PLEKHA3: variants seen among roughly 807,000 people sequenced by gnomAD.
PLEKHA3 encodes pleckstrin homology domain-containing family A member 3.
In PLEKHA3, 19 loss-of-function variants were observed where a neutral mutation model predicts 39.2. The ratio of observed to expected loss-of-function variants is 0.48; its 90% CI spans 0.34 to 0.71. The LOEUF (loss-of-function observed/expected upper bound fraction) is 0.71, where lower values mean the gene tolerates loss of function less well. Ranked by LOEUF, PLEKHA3 falls within the 30% of genes least tolerant of loss-of-function variation. The pLI is 0.01. For missense variants in PLEKHA3, 253 were observed against 359.5 expected (o/e 0.70, Z 2.40); for synonymous variants, 97 against 118.6 (o/e 0.82, Z 1.18).
At chr2:178,494,864 C>T (rs1575144950) in intron 4 of PLEKHA3, among the ~76,000 whole-genome samples, 2 of 150,070 alleles carry the variant, frequency 1.3e-5, no homozygotes, top group East Asian at 3.9e-4. Flanking sequence ...GGTTTTGAAT[C>T]GGGAAACAAA....
chr2:178,483,762 G>A (rs1226309294), intron 1 of PLEKHA3, among the ~76,000 whole-genome samples: 1 of 152,084 alleles, frequency 6.6e-6, no homozygotes, highest in Non-Finnish European at 1.5e-5. Flanking sequence ...AAGATATATT[G>A]TATGTCTATA....
chr2:178,506,905 C>CA lies in PLEKHA3; in HGVS notation c.*3020dup, dbSNP rs1452415745. ...TCTTGTTCATGTCTTTCTGTCTCCC[C>CA]AATCCACTCTTTGAATTCATGTTGA... On this transcript the variant is annotated 3_prime_UTR_variant, in exon 8 of 8. Transcript: ENST00000234453. 3 of 151,900 alleles carry CA rather than the reference C, an allele frequency of 2.0e-5. No individual in the cohort carries two copies. 9.4% of individuals were successfully genotyped at this position (151,900 alleles called of 1,614,324 possible).
intron 4 of PLEKHA3, 61 bp downstream of exon 4, chr2:178,494,050 C>T: frequency 6.5e-7 from 1 of 1,534,040 alleles, no homozygotes; most frequent in Non-Finnish European, 8.8e-7. Flanking sequence ...GGGGGATCCT[C>T]AGTCATTCCA....
intron 6 of PLEKHA3, among the ~76,000 whole-genome samples, chr2:178,499,673 A>C (rs1307235431): frequency 1.3e-5 from 2 of 152,146 alleles, no homozygotes; most frequent in Admixed American, 1.3e-4. Context: ...GTCACCCACA[A>C]CATTCAGTAC....
In PLEKHA3 at chr2:178,495,652, G is replaced by A. The variant is rs776433594; in HGVS notation, c.607G>A (p.Val203Ile). 3 of 1,603,086 alleles carry A rather than the reference G, an allele frequency of 1.9e-6. No individual in the cohort carries two copies. The highest frequency in any genetic ancestry group is 8.5e-7 in the Non-Finnish European group (1 of 1,174,070). ...AGTTTCTCCTGTGTCACCTTCTCCT[G>A]TTCAAATGGTTTGAACTTCTTGTTT... ...PLVSPVSPSP[V>I]QMMKRSVSHP... is the part of the protein sequence containing the mutation. The change falls in exon 5 of 8, where the codon GTT (valine) becomes ATT (isoleucine). Residue 203 changes from valine to isoleucine, a missense_variant. Val to Ile is a conservative substitution (Grantham distance 29). Around this residue, in one of 2 missense-constraint regions of PLEKHA3, gnomAD observed 127 missense variants for 136.8 expected, o/e 0.93. Coordinates refer to ENST00000234453, the MANE Select transcript of PLEKHA3 (RefSeq NM_019091.4).
At chr2:178,498,550 G>C (rs891191712) in intron 5 of PLEKHA3, among the ~76,000 whole-genome samples, 2 of 152,062 alleles carry the variant, frequency 1.3e-5, no homozygotes, top group African/African-American at 4.8e-5. Flanking sequence ...TTTATATTTT[G>C]ATGGAGTAGT....
At chr2:178,499,148 C>A in intron 5 of PLEKHA3, 63 bp from the exon 6 acceptor site, 1 of 1,439,974 alleles carries the variant, frequency 6.9e-7, no homozygotes, top group South Asian at 1.3e-5. Flanking sequence ...TAAATTAGAG[C>A]TGCATGATTC....
intron 2 of PLEKHA3, among the ~76,000 whole-genome samples, chr2:178,490,113 G>A (rs1292893659): frequency 6.6e-6 from 1 of 152,188 alleles, no homozygotes; most frequent in Non-Finnish European, 1.5e-5. Context: ...GTGTGTGCAG[G>A]AGAAGAGGTA....
rs1281165881 is a variant in PLEKHA3, at chr2:178,505,768, G to A, written c.*1881G>A. On this transcript the variant is annotated 3_prime_UTR_variant, in exon 8 of 8. Coordinates refer to ENST00000234453, the MANE Select transcript of PLEKHA3 (RefSeq NM_019091.4). The stretch of plus-strand genomic sequence containing the variant: ...ACCCAAATAGATGGGTTCGTGAAGA[G>A]TTTTCTGTGAATATTTTAAAAATAC... 6.6e-6 allele frequency: 1 copy of A among 152,010 alleles called. No homozygotes were observed. The highest frequency in any genetic ancestry group is 1.5e-5 in the Non-Finnish European group (1 of 67,914). 9.4% of individuals were successfully genotyped at this position (152,010 alleles called of 1,614,324 possible). A position where few individuals can be genotyped will look rare whatever the true frequency, so the allele number is the denominator to read the frequency against.
chr2:178,490,631 T>C (rs760542261), intron 2 of PLEKHA3, 28 bp from the exon 3 acceptor site: 3 of 1,601,684 alleles, frequency 1.9e-6, no homozygotes, highest in East Asian at 4.5e-5. Flanking sequence ...AGTCTATAAC[T>C]GTATTTCCCC....
intron 3 of PLEKHA3, 46 bp from the exon 4 acceptor site, chr2:178,493,807 G>T (rs759229237): frequency 6.6e-7 from 1 of 1,526,444 alleles, no homozygotes; most frequent in South Asian, 1.2e-5. Flanking sequence ...ATTGCTCAAA[G>T]AATATGAAAA....
chr2:178,499,847 T>C (rs912727195), intron 6 of PLEKHA3, among the ~76,000 whole-genome samples: 2 of 152,156 alleles, frequency 1.3e-5, no homozygotes, highest in African/African-American at 4.8e-5. Flanking sequence ...ATCCTTGTCA[T>C]TAAGAGACGC....
intron 1 of PLEKHA3, among the ~76,000 whole-genome samples, chr2:178,482,945 C>T (rs1685195909): frequency 6.6e-6 from 1 of 152,080 alleles, no homozygotes; most frequent in Non-Finnish European, 1.5e-5. Context: ...GCTGTTCATA[C>T]TAAGTGATCT....
chr2:178,502,591 A>C, intron 7 of PLEKHA3: 1 of 158,532 alleles, frequency 6.3e-6, no homozygotes. Flanking sequence ...TAAGTGCGAC[A>C]TCTTTTTTTT....
rs1386025075 is a variant in PLEKHA3 at position 178,514,148 on chromosome 2, G to A, written c.*10261G>A. On this transcript the variant is annotated 3_prime_UTR_variant, in exon 8 of 8. Transcript: ENST00000234453. ...GAGAAAAGTGTGTAGCAATAAGTAC[G>A]CACACTTACTGTGGTTTACCATCAT... 1 of 149,928 alleles carries A rather than the reference G, an allele frequency of 6.7e-6. No homozygotes were observed. The highest frequency in any genetic ancestry group is 1.5e-5 in the Non-Finnish European group (1 of 67,722). 9.3% of individuals were successfully genotyped at this position (149,928 alleles called of 1,614,324 possible). A position where few individuals can be genotyped will look rare whatever the true frequency, so the allele number is the denominator to read the frequency against.
In PLEKHA3 at chr2:178,504,583, A is replaced by G. The variant is rs1685577241; in HGVS notation, c.*696A>G. 1 of 152,330 alleles carries G rather than the reference A, an allele frequency of 6.6e-6. No homozygotes were observed. 9.4% of individuals were successfully genotyped at this position (152,330 alleles called of 1,614,324 possible). ...GCATTCTAACTTTTGTGACCTACCA[A>G]ATTTAAGATGTGTATACGTTGTTCT... is the stretch of plus-strand genomic sequence containing the variant. On this transcript the variant is annotated 3_prime_UTR_variant, in exon 8 of 8. Transcript: ENST00000234453.
chr2:178,484,822 C>T (rs1299298756), intron 1 of PLEKHA3, among the ~76,000 whole-genome samples: 2 of 152,140 alleles, frequency 1.3e-5, no homozygotes, highest in Non-Finnish European at 2.9e-5. Context: ...GAATTGGGTG[C>T]CAAGGAAAGT....
At position 178,511,245 on chromosome 2, in the gene PLEKHA3, A is replaced by G. The variant is rs1685680065; in HGVS notation, c.*7358A>G. ...GGCTGTAAATAAAGTAAAAGTGGCTAAAGAAAACAGTGCCTGCTATTAGCT... is the reference window on the plus strand; with the variant it reads ...GGCTGTAAATAAAGTAAAAGTGGCTGAAGAAAACAGTGCCTGCTATTAGCT... On this transcript the variant is annotated 3_prime_UTR_variant, in exon 8 of 8. Coordinates refer to ENST00000234453, the MANE Select transcript of PLEKHA3 (RefSeq NM_019091.4). The G allele has an allele frequency of 6.6e-6, 1 of 152,208 alleles. No homozygotes were observed. The highest frequency in any genetic ancestry group is 2.4e-5 in the African/African-American group (1 of 41,446). 9.4% of individuals were successfully genotyped at this position (152,208 alleles called of 1,614,324 possible).
chr2:178,488,868 T>G, intron 2 of PLEKHA3: 4 of 348,484 alleles, frequency 1.1e-5, no homozygotes, highest in South Asian at 9.7e-5. Flanking sequence ...ATTAGATATT[T>G]AATTTCTCTC....
Sources: gnomAD v4.1 joint callset for allele counts (sites outside exome capture counted in the v4.1 genomes callset) on GRCh38, gnomAD v4.1.1 for gene constraint, gnomAD v4.1.1 regional missense constraint, MANE v1.5 for transcripts, NCBI Gene and HGNC (gene_info 2026-07-23, HGNC 2026-07-21) for gene names.